Variants in CTNNA2 observed in about 807,000 individuals in gnomAD.
The protein encoded by CTNNA2 is catenin alpha 2, also known as catenin alpha-2.
A neutral mutation model predicts 101.0 loss-of-function variants in CTNNA2; 42 were observed. The ratio of observed to expected loss-of-function variants is 0.42; its 90% CI spans 0.32 to 0.54. CTNNA2 has a LOEUF of 0.54. CTNNA2 is among the 20% of genes least tolerant of loss of function. The pLI, the probability that CTNNA2 is intolerant of heterozygous loss-of-function variation, is 0.14. For synonymous variants in CTNNA2, 450 were observed against 456.4 expected (o/e 0.99, Z 0.18); for missense variants, 871 against 1,223.1 (o/e 0.71, Z 4.29).
At chr2:80,322,549 G>A (rs1464544793) in intron 7 of CTNNA2, among the ~76,000 whole-genome samples, 1 of 151,578 alleles carries the variant, frequency 6.6e-6, no homozygotes, top group African/African-American at 2.4e-5. Context: ...GGCCCTTGCA[G>A]CTCCGGGACG....
chr2:80,604,315 C>A, intron 16 of CTNNA2, 136 bp downstream of exon 16: 3 of 683,574 alleles, frequency 4.4e-6, no homozygotes, highest in Non-Finnish European at 7.8e-6. Flanking sequence ...ATATTTTACA[C>A]ACTGGTATCT....
chr2:80,573,454 C>T (rs1033143976), intron 12 of CTNNA2: 1 of 152,122 alleles, frequency 6.6e-6, no homozygotes, highest in Admixed American at 6.6e-5. Flanking sequence ...TCTTCTCTTT[C>T]CATAGGACAT....
intron 7 of CTNNA2, among the ~76,000 whole-genome samples, chr2:80,195,908 T>C (rs1290866370): frequency 6.6e-6 from 1 of 152,016 alleles, no homozygotes; most frequent in Non-Finnish European, 1.5e-5. Flanking sequence ...GAACCGCAGG[T>C]CACAAACCAA....
intron 3 of CTNNA2, among the ~76,000 whole-genome samples, chr2:79,340,833 CAAAAAAAA>C (rs56276462): frequency 3.1e-5 from 1 of 32,536 alleles, no homozygotes; most frequent in African/African-American, 1.2e-4. Flanking sequence ...GACTCAGTCT[CAAAAAAAA>C]AAAAAAAAAA....
intron 7 of CTNNA2, among the ~76,000 whole-genome samples, chr2:80,129,049 A>C (rs1453842326): frequency 6.6e-6 from 1 of 152,224 alleles, no homozygotes; most frequent in Non-Finnish European, 1.5e-5. Context: ...TTGTCAGTTC[A>C]TGCCAAGATA....
intron 2 of CTNNA2, among the ~76,000 whole-genome samples, chr2:79,270,152 T>C (rs1209112403): frequency 1.3e-5 from 2 of 152,244 alleles, no homozygotes; most frequent in Non-Finnish European, 2.9e-5. Context: ...GATTCATTTC[T>C]AGTTTCACAG....
chr2:80,625,975 A>T (rs1671643611), intron 18 of CTNNA2, among the ~76,000 whole-genome samples: 3 of 152,028 alleles, frequency 2.0e-5, no homozygotes, highest in South Asian at 2.1e-4. Context: ...AACCTACAGA[A>T]TTTTTTCCCA....
intron 15 of CTNNA2, among the ~76,000 whole-genome samples, chr2:80,602,545 G>T (rs527415489): frequency 1.6e-4 from 24 of 152,078 alleles, no homozygotes; most frequent in Admixed American, 1.2e-3. Context: ...GATTTTCTAA[G>T]GTCTAGAAGT....
chr2:79,201,392 A>G (rs1285963653), intron 2 of CTNNA2, among the ~76,000 whole-genome samples: 1 of 152,124 alleles, frequency 6.6e-6, no homozygotes, highest in Non-Finnish European at 1.5e-5. Context: ...GATGGGTCTC[A>G]GGCTGAAGAC....
intron 7 of CTNNA2, among the ~76,000 whole-genome samples, chr2:80,128,196 C>T (rs1030370903): frequency 2.0e-5 from 3 of 152,106 alleles, no homozygotes; most frequent in Admixed American, 1.3e-4. Flanking sequence ...ATGTTTTTGA[C>T]AATGCAAAGG....
chr2:80,360,210 TA>T (rs1674266466), intron 7 of CTNNA2, among the ~76,000 whole-genome samples: 1 of 152,128 alleles, frequency 6.6e-6, no homozygotes, highest in Non-Finnish European at 1.5e-5. Flanking sequence ...ACCATAAGTT[TA>T]TATATGCTGA....
At chr2:79,431,828 T>C (rs989269281) in intron 4 of CTNNA2, among the ~76,000 whole-genome samples, 8 of 152,204 alleles carry the variant, frequency 5.3e-5, no homozygotes, top group African/African-American at 7.2e-5. Flanking sequence ...TTTTTCACCA[T>C]AGGCCTGTAT....
At chr2:80,163,281 A>G (rs1704451428) in intron 7 of CTNNA2, 1 of 621,714 alleles carries the variant, frequency 1.6e-6, no homozygotes, top group Non-Finnish European at 2.8e-6. Flanking sequence ...TATCCTTGAT[A>G]TAAACTCCAC....
chr2:79,385,273 T>G lies in CTNNA2; in HGVS notation c.-135+11260T>G, dbSNP rs554401678. 2.0e-5 allele frequency among the ~76,000 whole-genome samples: 3 copies of G among 152,288 alleles called. No individual in the cohort carries two copies. In the East Asian group the frequency reaches 5.8e-4, roughly 30 times the overall value. The stretch of plus-strand genomic sequence containing the variant: ...AAAGAGATGCCAGAGGCATCCTGTT[T>G]GTTGGCCACTTTGCCACTCATTAAG... On this transcript the variant is annotated intron_variant, in intron 4 of 21. Coordinates refer to the CTNNA2 transcript ENST00000466387.
rs1024295033 is a variant in CTNNA2, at chr2:80,544,967, T to C, written c.1291-15T>C. The stretch of plus-strand genomic sequence containing the variant: ...TGCCCCAACCTAATATTCACTAAAA[T>C]CCTCTTCAATACAGGTTGCCAATTT... On this transcript the variant is annotated splice_polypyrimidine_tract_variant and intron_variant, in intron 9 of 18. Transcript: ENST00000402739. 6.2e-7 allele frequency: 1 copy of C among 1,612,004 alleles called. No homozygotes were observed. Among genetic ancestry groups the C allele is most frequent in the South Asian group, 1.1e-5 (1 of 90,904 alleles).
intron 6 of CTNNA2, among the ~76,000 whole-genome samples, chr2:79,874,798 A>C (rs1045128577): frequency 6.6e-6 from 1 of 152,102 alleles, no homozygotes; most frequent in Admixed American, 6.5e-5. Flanking sequence ...ACAACAGCAA[A>C]ACTCCGTCTC....
intron 8 of CTNNA2, among the ~76,000 whole-genome samples, chr2:80,402,063 G>A (rs1261996516): frequency 6.6e-6 from 1 of 152,186 alleles, no homozygotes; most frequent in African/African-American, 2.4e-5. Flanking sequence ...GCTATACATT[G>A]GGGGATTCCC....
intron 2 of CTNNA2, among the ~76,000 whole-genome samples, chr2:79,302,897 C>G (rs77493957): frequency 1.4e-3 from 218 of 152,288 alleles, no homozygotes; most frequent in African/African-American, 5.0e-3. Flanking sequence ...CACAACCACA[C>G]AGAATATAGG....
intron 3 of CTNNA2, among the ~76,000 whole-genome samples, chr2:79,315,721 C>T (rs570374498): frequency 3.3e-5 from 5 of 152,028 alleles, no homozygotes; most frequent in South Asian, 2.1e-4. Context: ...TGAATATCCA[C>T]GCACAAGTTT....
Sources: gnomAD v4.1 joint callset for allele counts (sites outside exome capture counted in the v4.1 genomes callset) on GRCh38, gnomAD v4.1.1 for gene constraint, MANE v1.5 for transcripts, NCBI Gene and HGNC (gene_info 2026-07-23, HGNC 2026-07-21) for gene names.